TNNI2: variants seen among roughly 807,000 people sequenced by gnomAD.
The protein encoded by TNNI2 is troponin I, fast skeletal muscle.
TNNI2 carries 14 observed loss-of-function variants against 26.5 expected under a neutral mutation model. The observed-to-expected ratio is 0.53, with a 90% CI of 0.35 to 0.83. TNNI2 has a LOEUF of 0.83. Ranked by LOEUF, TNNI2 falls within the 40% of genes least tolerant of loss-of-function variation. TNNI2 has a pLI of 0.01. For missense variants in TNNI2, 205 were observed against 248.5 expected, an observed-to-expected ratio of 0.82 and a Z score of 1.18; for synonymous variants, 126 against 97.6, an observed-to-expected ratio of 1.29 and a Z score of -1.71.
chr11:1,840,757 G>A, intron 5 of TNNI2, 62 bp from the exon 6 acceptor site: 1 of 1,601,898 alleles, frequency 6.2e-7, no homozygotes, highest in Non-Finnish European at 8.5e-7. Flanking sequence ...GGTCAGGGCA[G>A]GGGCAGGTGA....
At chr11:1,841,404 G>T (rs1249806671) in intron 7 of TNNI2, 52 bp from the exon 8 acceptor site, 7 of 1,590,328 alleles carry the variant, frequency 4.4e-6, no homozygotes, top group Middle Eastern at 1.7e-4. Flanking sequence ...GTGGACCAGG[G>T]TGCGTGCATA....
chr11:1,839,991 C>T, intron 3 of TNNI2, 136 bp downstream of exon 3: 1 of 1,357,358 alleles, frequency 7.4e-7, no homozygotes, highest in South Asian at 1.3e-5. Flanking sequence ...AAGTGCCCCA[C>T]CCACCCACCA....
intron 3 of TNNI2, 180 bp from the exon 4 acceptor site, chr11:1,840,223 C>G (rs1847131887): frequency 1.3e-6 from 2 of 1,551,022 alleles, no homozygotes; most frequent in African/African-American, 2.7e-5. Flanking sequence ...CACACAGCAC[C>G]ATGTCCCAGT....
Position 1,839,874 on chromosome 11 carries a change from C to T in TNNI2, c.15+19C>T. The T allele has an allele frequency of 1.2e-6, 2 of 1,613,680 alleles. No individual in the cohort carries two copies. Among genetic ancestry groups the T allele is most frequent in the South Asian group, 2.2e-5 (2 of 91,072 alleles). Reference sequence around the variant, plus strand: ...TGAGGAGGTAAGTAGTTGCTGGGGGCTCAAAACATGACGAGGAGGGGGCTC... The same window carrying T: ...TGAGGAGGTAAGTAGTTGCTGGGGGTTCAAAACATGACGAGGAGGGGGCTC... On this transcript the variant is annotated intron_variant, in intron 3 of 7. Transcript: ENST00000381911.
rs1290928358 is a variant in TNNI2, at chr11:1,839,530, G to A, written c.-22-145G>A. On this transcript the variant is annotated intron_variant, in intron 1 of 7. Transcript: ENST00000381911. ...CCAAGACATTGTCCTTGAAGGAGGT[G>A]AGAGTAGGGGGAGGAGGTGAGAGTA... The A allele has an allele frequency of 8.3e-6, 6 of 719,760 alleles. No homozygotes were observed. In the African/African-American group the frequency reaches 9.0e-5, roughly 11 times the overall value. 44.6% of individuals were successfully genotyped at this position (719,760 alleles called of 1,614,324 possible). A position where few individuals can be genotyped will look rare whatever the true frequency, so the allele number is the denominator to read the frequency against.
At chr11:1,840,120 C>T in intron 3 of TNNI2, 1 of 1,283,322 alleles carries the variant, frequency 7.8e-7, no homozygotes, top group Non-Finnish European at 1.1e-6. Flanking sequence ...TTCCCGCCCC[C>T]ACCTCACCGG....
chr11:1,840,381 C>T (rs1411884480), intron 3 of TNNI2, 22 bp from the exon 4 acceptor site: 11 of 1,604,270 alleles, frequency 6.9e-6, no homozygotes, highest in East Asian at 2.2e-5. Flanking sequence ...CCTGACTCGA[C>T]CCCCTGTCCC....
rs763662106 is a variant in TNNI2 at position 1,840,803 on chromosome 11, C to T, written c.187-16C>T. 10 of 1,609,098 alleles carry T rather than the reference C, an allele frequency of 6.2e-6. No individual in the cohort carries two copies. The East Asian group carries it at 2.2e-4, about 36-fold the overall frequency. On this transcript the variant is annotated splice_polypyrimidine_tract_variant and intron_variant, in intron 5 of 7. Transcript: ENST00000381911. ...CAAGTGTCAGGACGGCCGCCCGCCC[C>T]CACACCCACCCCTAGGAGCTCTGCA...
At chr11:1,840,225 T>A in intron 3 of TNNI2, 178 bp from the exon 4 acceptor site, 2 of 1,549,942 alleles carry the variant, frequency 1.3e-6, no homozygotes, top group Non-Finnish European at 1.7e-6. Context: ...CACAGCACCA[T>A]GTCCCAGTGC....
chr11:1,840,725 T>G, intron 5 of TNNI2, 69 bp downstream of exon 5: 1 of 1,610,288 alleles, frequency 6.2e-7, no homozygotes, highest in Non-Finnish European at 8.5e-7. Flanking sequence ...GTTTCCCCAC[T>G]TGTCAAGAGG....
chr11:1,840,466 G>C lies in TNNI2; in HGVS notation c.57+22G>C, dbSNP rs757147152. On this transcript the variant is annotated intron_variant, in intron 4 of 7. Transcript: ENST00000381911. ...GAAGGTAGGTGTGGGCTCCCGGGGG[G>C]GTGGCCCAGGTGGGTCTGCAGGGGA... The C allele has an allele frequency of 1.9e-6, 3 of 1,610,362 alleles. No individual in the cohort carries two copies. In the African/African-American group the frequency reaches 4.0e-5, roughly 21 times the overall value.
chr11:1,840,139 C>T (rs1344272150), intron 3 of TNNI2: 3 of 1,473,588 alleles, frequency 2.0e-6, no homozygotes, highest in East Asian at 2.5e-5. Flanking sequence ...GGCCGACCTG[C>T]CCCCAACTGG....
At chr11:1,839,087 G>A (rs1847105414) in intron 1 of TNNI2, 54 bp downstream of exon 1, 2 of 147,760 alleles carry the variant, frequency 1.4e-5, no homozygotes, top group African/African-American at 2.5e-5. Flanking sequence ...GCTCGAGCTG[G>A]TTTGAGGGAG....
chr11:1,840,711 C>G, intron 5 of TNNI2, 55 bp downstream of exon 5: 1 of 1,611,318 alleles, frequency 6.2e-7, no homozygotes, highest in Non-Finnish European at 8.5e-7. Context: ...TGCCTGCTAA[C>G]TCAGTTTCCC....
chr11:1,841,195 G>A lies in TNNI2; in HGVS notation c.441G>A (p.Glu147=), dbSNP rs765214840. The change falls in exon 7 of 8, where the codon GAG becomes GAA. Residue 147 remains glutamate (E), a synonymous_variant. Coordinates refer to ENST00000381911, the MANE Select transcript of TNNI2 (RefSeq NM_003282.4). ...CCAACCTGAAGCAGGTCAAGAAGGAGGACACAGAGAAGGTGCGTGCCACGG... is the reference window on the plus strand; with the variant it reads ...CCAACCTGAAGCAGGTCAAGAAGGAAGACACAGAGAAGGTGCGTGCCACGG... The part of the protein sequence containing the change: ...LRANLKQVKK[E]DTEKERDLRD... 3.7e-6 allele frequency: 6 copies of A among 1,612,724 alleles called. No individual in the cohort carries two copies. The highest frequency in any genetic ancestry group is 5.1e-6 in the Non-Finnish European group (6 of 1,179,958).
In TNNI2 at chr11:1,839,493, C is replaced by T. The variant is rs1444292102; in HGVS notation, c.-22-182C>T. On this transcript the variant is annotated intron_variant, in intron 1 of 7. Transcript: ENST00000381911. Reference sequence around the variant, plus strand: ...GAACACTTTCTCCTCTTACTTCTCACCCTGGGGAATTCCAAGACATTGTCC... The same window carrying T: ...GAACACTTTCTCCTCTTACTTCTCATCCTGGGGAATTCCAAGACATTGTCC... 3 of 607,992 alleles carry T rather than the reference C, an allele frequency of 4.9e-6. No homozygotes were observed. In the Admixed American group the frequency reaches 7.7e-5, roughly 16 times the overall value. The allele number at this position is 607,992 out of a possible 1,614,324, so 37.7% of individuals were successfully genotyped here.
At chr11:1,840,974 C>T (rs1419046477) in intron 6 of TNNI2, 57 bp from the exon 7 acceptor site, 1 of 1,577,720 alleles carries the variant, frequency 6.3e-7, no homozygotes, top group Non-Finnish European at 8.6e-7. Context: ...GCGGGGCGGG[C>T]CGGGGAGGCC....
At position 1,839,408 on chromosome 11, in the gene TNNI2, C is replaced by T. The variant is rs185843959; in HGVS notation, c.-22-267C>T. ...CACTCAGGCGGCCACCTGCGCTGGC[C>T]CATCCCACCCTCCCTCGGGGACAGC... On this transcript the variant is annotated intron_variant, in intron 1 of 7. Transcript: ENST00000381911. The T allele has an allele frequency of 1.8e-3, 855 of 487,290 alleles. 22 individuals are homozygous for T. Among genetic ancestry groups the T allele is most frequent in the African/African-American group, 0.016 (802 of 51,482 alleles). 30.2% of individuals were successfully genotyped at this position (487,290 alleles called of 1,614,324 possible).
rs1847103609 is a variant in TNNI2, at chr11:1,839,036, G to C, written c.-23+3G>C. On this transcript the variant is annotated splice_donor_region_variant and intron_variant, in intron 1 of 7. Transcript: ENST00000381911. ...CAGCCCTGCTGCCCAGATTCTAGGT[G>C]AGGCCCAGCCCGGCCCGCCGAGGCC... 6.6e-6 allele frequency: 1 copy of C among 152,670 alleles called. No individual in the cohort carries two copies. Among genetic ancestry groups the C allele is most frequent in the Non-Finnish European group, 1.5e-5 (1 of 68,338 alleles). The allele number at this position is 152,670 out of a possible 1,614,324, so 9.5% of individuals were successfully genotyped here. A position where few individuals can be genotyped will look rare whatever the true frequency, so the allele number is the denominator to read the frequency against.
Sources: gnomAD v4.1 joint callset for allele counts on GRCh38, gnomAD v4.1.1 for gene constraint, MANE v1.5 for transcripts, NCBI Gene and HGNC (gene_info 2026-07-23, HGNC 2026-07-21) for gene names.